The following PEX5 variants were observed in gnomAD, a reference collection of about 807,000 sequenced individuals.
The protein encoded by PEX5 is peroxisomal biogenesis factor 5, also known as PTS1 receptor.
PEX5 carries 52 observed loss-of-function variants against 82.9 expected under a neutral mutation model. The ratio of observed to expected loss-of-function variants is 0.63; its 90% CI spans 0.50 to 0.79. The LOEUF (loss-of-function observed/expected upper bound fraction) is 0.79, where lower values mean the gene tolerates loss of function less well. Ranked by LOEUF, PEX5 falls within the 30% of genes least tolerant of loss-of-function variation. The pLI, the probability that PEX5 is intolerant of heterozygous loss-of-function variation, is 0.00. For synonymous variants in PEX5, 300 were observed against 318.8 expected, an observed-to-expected ratio of 0.94 and a Z score of 0.63; for missense variants, 719 against 815.2, an observed-to-expected ratio of 0.88 and a Z score of 1.44.
chr12:7,201,383 CTT>C lies in PEX5; in HGVS notation c.552-365_552-364del, dbSNP rs771308528. On this transcript the variant is annotated intron_variant, in intron 6 of 15. Transcript: ENST00000675855. ...ATTTGGGAGGAAGGGAGTTTTCAGA[CTT>C]TTAAAATATATGTATATAGGTAAAT... Among the ~76,000 whole-genome samples the C allele has an allele frequency of 1.9e-3, 284 of 152,130 alleles. 2 individuals are homozygous for C. Among genetic ancestry groups the C allele is most frequent in the African/African-American group, 6.5e-3 (271 of 41,486 alleles).
At chr12:7,190,696 T>C (rs1940914581) in intron 2 of PEX5, 172 bp downstream of exon 2, 4 of 1,441,076 alleles carry the variant, frequency 2.8e-6, no homozygotes, top group African/African-American at 1.4e-5. Flanking sequence ...ATAACTGCTT[T>C]CTCTATTGTG....
intron 6 of PEX5, among the ~76,000 whole-genome samples, chr12:7,200,758 C>T (rs777845639): frequency 8.6e-5 from 13 of 151,992 alleles, no homozygotes; most frequent in East Asian, 1.9e-4. Flanking sequence ...GGCATGGCGG[C>T]GCGTGCCTGC....
At chr12:7,192,266 A>G (rs1389184897) in intron 5 of PEX5, among the ~76,000 whole-genome samples, 4 of 152,166 alleles carry the variant, frequency 2.6e-5, no homozygotes, top group African/African-American at 4.8e-5. Flanking sequence ...ACCTAGTTTA[A>G]AGATAAGAAA....
At chr12:7,192,203 T>C (rs1941271627) in intron 5 of PEX5, among the ~76,000 whole-genome samples, 1 of 152,210 alleles carries the variant, frequency 6.6e-6, no homozygotes, top group Admixed American at 6.5e-5. Flanking sequence ...ATGCTTTGAA[T>C]GCATTATCTA....
chr12:7,196,101 G>T (rs1405987787), intron 5 of PEX5, among the ~76,000 whole-genome samples: 1 of 118,424 alleles, frequency 8.4e-6, no homozygotes, highest in Admixed American at 9.2e-5. Context: ...ATGTTATAAC[G>T]TATTTCTTAT....
chr12:7,190,118 G>A (rs1250484809), intron 1 of PEX5: 3 of 1,483,084 alleles, frequency 2.0e-6, no homozygotes, highest in Non-Finnish European at 2.7e-6. Context: ...CCATGGGACC[G>A]TAGTCGCGGA....
intron 5 of PEX5, among the ~76,000 whole-genome samples, chr12:7,193,683 T>C (rs954643141): frequency 6.6e-6 from 1 of 152,230 alleles, no homozygotes; most frequent in Non-Finnish European, 1.5e-5. Context: ...TGGGCATTAG[T>C]CATTTTTGAT....
rs796826206 is a variant in PEX5 at position 7,191,109 on chromosome 12, CAG to C, written c.184-116_184-115del. On this transcript the variant is annotated intron_variant, in intron 3 of 15. Coordinates refer to ENST00000675855, the MANE Select transcript of PEX5 (RefSeq NM_001351132.2). The stretch of plus-strand genomic sequence containing the variant: ...AAGACAGTTTCTCTTTATGTGTCTC[CAG>C]TTTCTGTGTTTTCCTTTCCTTGTAT... 1.6e-5 allele frequency: 20 copies of C among 1,263,024 alleles called. No individual in the cohort carries two copies. The African/African-American group carries it at 2.9e-4, about 19-fold the overall frequency. The allele number at this position is 1,263,024 out of a possible 1,614,324, so 78.2% of individuals were successfully genotyped here. A position where few individuals can be genotyped will look rare whatever the true frequency, so the allele number is the denominator to read the frequency against.
At chr12:7,213,257 C>A (rs1009014369), downstream of PEX5, among the ~76,000 whole-genome samples, 9 of 151,800 alleles carry the variant, frequency 5.9e-5, no homozygotes, top group Non-Finnish European at 1.3e-4. Flanking sequence ...AAAAAAGAGC[C>A]CACATCACCA....
chr12:7,191,929 G>A (rs963208958), intron 5 of PEX5, among the ~76,000 whole-genome samples: 10 of 152,228 alleles, frequency 6.6e-5, no homozygotes, highest in Admixed American at 2.6e-4. Context: ...AGAACGAAGA[G>A]TTTGGTTGGC....
At chr12:7,208,264 G>C (rs1054109356) in intron 12 of PEX5, among the ~76,000 whole-genome samples, 184 bp downstream of exon 12, 2 of 152,088 alleles carry the variant, frequency 1.3e-5, no homozygotes, top group African/African-American at 4.8e-5. Context: ...TTTTATTTGC[G>C]GCTTTGGTTG....
At position 7,194,882 on chromosome 12, in the gene PEX5, T is replaced by C. The variant is rs1476255959; in HGVS notation, c.448+3182T>C. Among the ~76,000 whole-genome samples, 9 of 152,350 alleles carry C rather than the reference T, an allele frequency of 5.9e-5. No individual in the cohort carries two copies. The East Asian group carries it at 1.5e-3, about 26-fold the overall frequency. On this transcript the variant is annotated intron_variant, in intron 5 of 15. Coordinates refer to ENST00000675855, the MANE Select transcript of PEX5 (RefSeq NM_001351132.2). ...ATTGTGATGTTTTCTGCTTTTGTTATAGGTTTGCCATGAGCAGACTAATGA... is the reference window on the plus strand; with the variant it reads ...ATTGTGATGTTTTCTGCTTTTGTTACAGGTTTGCCATGAGCAGACTAATGA...
intron 7 of PEX5, 80 bp from the exon 8 acceptor site, chr12:7,202,161 C>T: frequency 6.2e-7 from 1 of 1,609,376 alleles, no homozygotes; most frequent in Non-Finnish European, 8.5e-7. Context: ...GGGGTGAGTA[C>T]AGGGTCCTCT....
Position 7,191,684 on chromosome 12 carries a change from C to T in PEX5, c.432C>T (p.Phe144=). Residue 144 remains phenylalanine, a synonymous_variant, in exon 5 of 16, where the codon TTC becomes TTT. Transcript: ENST00000675855. The stretch of plus-strand genomic sequence containing the variant: ...ATGAGACTGACTGGTCCCAAGAATT[C>T]ATCTCTGAAGTTACAGGTGAAACTT... The part of the protein sequence containing the change: ...DYNETDWSQE[F]ISEVTDPLSV... 6.2e-7 allele frequency: 1 copy of T among 1,613,778 alleles called. No homozygotes were observed. The highest frequency in any genetic ancestry group is 1.1e-5 in the South Asian group (1 of 91,048).
intron 17 of PEX5, among the ~76,000 whole-genome samples, chr12:7,216,772 G>T (rs1450365126): frequency 1.3e-5 from 2 of 152,022 alleles, no homozygotes; most frequent in Non-Finnish European, 2.9e-5. Context: ...TTAATCACTA[G>T]CCTATTGCCC....
chr12:7,214,938 C>T (rs1221975257), downstream of PEX5, among the ~76,000 whole-genome samples: 1 of 152,026 alleles, frequency 6.6e-6, no homozygotes, highest in Non-Finnish European at 1.5e-5. Context: ...TTGAAGCTAG[C>T]ATCAATGAGC....
chr12:7,191,752 A>G (rs764990065), intron 5 of PEX5, 52 bp downstream of exon 5: 19 of 1,536,456 alleles, frequency 1.2e-5, no homozygotes, highest in South Asian at 4.5e-5. Flanking sequence ...ACAGAATTCT[A>G]TACCCTTCCC....
Position 7,209,851 on chromosome 12 carries a change from C to A in PEX5, c.1718+11C>A. On this transcript the variant is annotated intron_variant, in intron 15 of 15. Transcript: ENST00000675855. ...CCTCGGGGCTCACCGGTGAGAGTAT[C>A]TATTGAGAAATGAATGAATGAGCTT... 6.2e-7 allele frequency: 1 copy of A among 1,614,110 alleles called. No homozygotes were observed. The highest frequency in any genetic ancestry group is 1.1e-5 in the South Asian group (1 of 91,080).
At position 7,207,667 on chromosome 12, in the gene PEX5, G is replaced by A; in HGVS notation, c.975G>A (p.Gln325=). 2 of 1,614,156 alleles carry A rather than the reference G, an allele frequency of 1.2e-6. No individual in the cohort carries two copies. The highest frequency in any genetic ancestry group is 1.7e-6 in the Non-Finnish European group (2 of 1,180,028). ...ACGTGCTTTTCTTGTAGGGGTACCA[G>A]TTTGAGGAGGAGAACCCCTTGCGTG... is the stretch of plus-strand genomic sequence containing the variant. ...LTSATYDKGY[Q]FEEENPLRDH... Residue 325 remains glutamine (Q), a synonymous_variant, in exon 11 of 16, where the codon CAG becomes CAA. Transcript: ENST00000675855.
Sources: allele counts gnomAD v4.1 joint callset (sites outside exome capture counted in the v4.1 genomes callset), GRCh38; gene constraint gnomAD v4.1.1; transcripts MANE v1.5; gene names NCBI Gene and HGNC (gene_info 2026-07-23, HGNC 2026-07-21).